Variants in NCKAP5 observed in about 807,000 individuals in gnomAD.
The protein encoded by NCKAP5 is nck-associated protein 5.
Under a neutral mutation model 167.0 loss-of-function variants are expected in NCKAP5, and 92 were observed. The ratio of observed to expected loss-of-function variants is 0.55; its 90% CI spans 0.47 to 0.66. The LOEUF is 0.66. NCKAP5 is among the 30% of genes least tolerant of loss of function. The pLI is 0.00. For missense variants in NCKAP5, 2,378 were observed against 2,315.0 expected (o/e 1.03, Z -0.56); for synonymous variants, 891 against 877.4 (o/e 1.02, Z -0.27).
intron 6 of NCKAP5, among the ~76,000 whole-genome samples, chr2:133,074,004 C>T (rs2080510817): frequency 6.6e-6 from 1 of 152,154 alleles, no homozygotes; most frequent in Non-Finnish European, 1.5e-5. Flanking sequence ...CAAAACCTTA[C>T]CAGTGCTGAT....
chr2:132,916,409 A>AT (rs1694883089), intron 8 of NCKAP5, among the ~76,000 whole-genome samples: 1 of 152,078 alleles, frequency 6.6e-6, no homozygotes, highest in South Asian at 2.1e-4. Flanking sequence ...AAGTGACAGC[A>AT]TAAAAACACA....
chr2:133,650,496 G>A, the NCKAP5 span, among the ~76,000 whole-genome samples: 2 of 152,138 alleles, frequency 1.3e-5, no homozygotes, highest in African/African-American at 4.8e-5. Flanking sequence ...ACAACATGAT[G>A]CTGACATAAA....
chr2:133,421,274 T>C (rs1294679020), intron 3 of NCKAP5, among the ~76,000 whole-genome samples: 1 of 149,368 alleles, frequency 6.7e-6, no homozygotes, highest in Non-Finnish European at 1.5e-5. Flanking sequence ...CCTGCCTATA[T>C]AAAGCAGCAT....
At chr2:133,329,472 A>G (rs1203958617) in intron 3 of NCKAP5, among the ~76,000 whole-genome samples, 1 of 152,194 alleles carries the variant, frequency 6.6e-6, no homozygotes, top group Non-Finnish European at 1.5e-5. Context: ...ACTGGTCTTC[A>G]TAAAGAATAG....
At chr2:133,432,346 A>G (rs747331034) in intron 3 of NCKAP5, among the ~76,000 whole-genome samples, 15 of 152,200 alleles carry the variant, frequency 9.9e-5, no homozygotes, top group Non-Finnish European at 1.6e-4. Context: ...GATACCCTAA[A>G]CATTTATTTA....
intron 8 of NCKAP5, among the ~76,000 whole-genome samples, chr2:132,962,644 G>A (rs868608660): frequency 1.2e-4 from 18 of 152,108 alleles, no homozygotes; most frequent in African/African-American, 3.6e-4. Context: ...AGGCTGGAGT[G>A]CAGTGGCGCA....
At chr2:132,787,365 A>G (rs1173796946) in intron 13 of NCKAP5, among the ~76,000 whole-genome samples, 3 of 142,014 alleles carry the variant, frequency 2.1e-5, no homozygotes, top group South Asian at 2.3e-4. Flanking sequence ...AAAAAAAAAA[A>G]GGGCTATATG....
intron 8 of NCKAP5, among the ~76,000 whole-genome samples, chr2:132,904,537 C>T (rs1693869674): frequency 6.6e-6 from 1 of 152,148 alleles, no homozygotes; most frequent in South Asian, 2.1e-4. Flanking sequence ...GTTACAACTA[C>T]TGGATGAAAG....
At chr2:133,386,208 C>T (rs1444651891) in intron 3 of NCKAP5, among the ~76,000 whole-genome samples, 1 of 152,222 alleles carries the variant, frequency 6.6e-6, no homozygotes, top group Non-Finnish European at 1.5e-5. Context: ...TCCCTCTACA[C>T]ACTGCTTTAA....
At chr2:133,495,268 TGTC>T (rs1681840988) in intron 3 of NCKAP5, among the ~76,000 whole-genome samples, 2 of 152,224 alleles carry the variant, frequency 1.3e-5, no homozygotes, top group African/African-American at 4.8e-5. Flanking sequence ...CCTGGGACTA[TGTC>T]ACAGTCCATT....
intron 6 of NCKAP5, among the ~76,000 whole-genome samples, chr2:133,028,644 T>A (rs912055533): frequency 1.1e-4 from 17 of 152,226 alleles, no homozygotes; most frequent in Non-Finnish European, 4.4e-5. Context: ...ACATGGATCC[T>A]AAGGCAACTG....
At chr2:133,498,533 CAGGGAGGAAGGG>C (rs1682181573) in intron 3 of NCKAP5, among the ~76,000 whole-genome samples, 1 of 93,818 alleles carries the variant, frequency 1.1e-5, no homozygotes, top group Non-Finnish European at 2.0e-5. Flanking sequence ...AAAAGGGCGG[CAGGGAGGAAGGG>C]AGGGAGGGAG....
intron 6 of NCKAP5, among the ~76,000 whole-genome samples, chr2:133,111,928 C>G (rs1225298658): frequency 6.6e-6 from 1 of 151,926 alleles, no homozygotes; most frequent in Non-Finnish European, 1.5e-5. Context: ...AATAGAATCT[C>G]CCCCAGCCCA....
At position 133,132,286 on chromosome 2, in the gene NCKAP5, CAA is replaced by C. The variant is rs67605472; in HGVS notation, c.208-2177_208-2176del. Among the ~76,000 whole-genome samples the C allele has an allele frequency of 1.8e-3, 242 of 131,228 alleles. 2 individuals are homozygous for C. Among genetic ancestry groups the C allele is most frequent in the African/African-American group, 5.3e-3 (185 of 34,700 alleles). The allele number at this position is 131,228 out of a possible 152,430, so 86.1% of individuals were successfully genotyped here. A position where few individuals can be genotyped will look rare whatever the true frequency, so the allele number is the denominator to read the frequency against. On this transcript the variant is annotated intron_variant, in intron 5 of 19. Transcript: ENST00000409261. ...TGGGTGACAGAGCGAGACTCCATCT[CAA>C]AAAAAAAAAAAAGAATGTAAAGTTT...
chr2:133,318,643 A>G (rs1457304295), intron 3 of NCKAP5, among the ~76,000 whole-genome samples: 1 of 152,176 alleles, frequency 6.6e-6, no homozygotes, highest in Non-Finnish European at 1.5e-5. Flanking sequence ...GCACTCTTTG[A>G]ACCTTCTCAT....
At chr2:133,244,278 C>G (rs1489100570) in intron 4 of NCKAP5, among the ~76,000 whole-genome samples, 1 of 152,170 alleles carries the variant, frequency 6.6e-6, no homozygotes, top group Non-Finnish European at 1.5e-5. Flanking sequence ...CCCTTGTAAT[C>G]TATCTCTTTG....
chr2:133,167,299 A>G (rs2084039647), intron 5 of NCKAP5, among the ~76,000 whole-genome samples: 1 of 152,208 alleles, frequency 6.6e-6, no homozygotes, highest in Admixed American at 6.5e-5. Context: ...ATAATGATTT[A>G]GCTATTATTT....
chr2:132,786,031 C>T (rs1444427713), intron 13 of NCKAP5, among the ~76,000 whole-genome samples: 1 of 152,188 alleles, frequency 6.6e-6, no homozygotes, highest in African/African-American at 2.4e-5. Flanking sequence ...ATGGGAAGTG[C>T]AAATGTTGTA....
At chr2:133,342,767 T>C (rs1427846077) in intron 3 of NCKAP5, among the ~76,000 whole-genome samples, 2 of 152,146 alleles carry the variant, frequency 1.3e-5, no homozygotes, top group Admixed American at 1.3e-4. Flanking sequence ...GAGGTCACTG[T>C]GTTCTTTGTT....
Sources: gnomAD v4.1 joint callset for allele counts (sites outside exome capture counted in the v4.1 genomes callset) on GRCh38, gnomAD v4.1.1 for gene constraint, MANE v1.5 for transcripts, NCBI Gene and HGNC (gene_info 2026-07-23, HGNC 2026-07-21) for gene names.